TTC6: variants seen among roughly 807,000 people sequenced by gnomAD.
The protein encoded by TTC6 is tetratricopeptide repeat protein 6.
A neutral mutation model predicts 210.4 loss-of-function variants in TTC6; 172 were observed. The observed-to-expected ratio is 0.82, with a 90% CI of 0.72 to 0.93. TTC6 has a LOEUF of 0.93. TTC6 is among the 40% of genes least tolerant of loss of function. The pLI, the probability that TTC6 is intolerant of heterozygous loss-of-function variation, is 0.00. For missense variants in TTC6, 2,414 were observed against 2,318.1 expected (o/e 1.04, Z -0.85); for synonymous variants, 804 against 819.6 (o/e 0.98, Z 0.32).
Position 37,723,982 on chromosome 14 carries a change from G to C in TTC6, c.1714-916G>C, listed in dbSNP as rs527448851. ...TTTTAAAAATGTATAATGTCATGTA[G>C]CCACAATTCCAGATCATACAGAAGA... On this transcript the variant is annotated intron_variant, in intron 6 of 30. Transcript: ENST00000553443. Among the ~76,000 whole-genome samples the C allele has an allele frequency of 5.4e-4, 82 of 151,958 alleles. 1 individual carries two copies. The highest frequency in any genetic ancestry group is 5.2e-3 in the South Asian group (25 of 4,810).
intron 6 of TTC6, among the ~76,000 whole-genome samples, chr14:37,716,437 C>T (rs2095852889): frequency 1.3e-5 from 2 of 151,752 alleles, no homozygotes; most frequent in East Asian, 1.9e-4. Flanking sequence ...ATAATATTTA[C>T]AAGAAACAAA....
chr14:37,729,266 A>G (rs12890128), intron 7 of TTC6, among the ~76,000 whole-genome samples: 84,438 of 152,090 alleles, frequency 0.56, 24,078 homozygotes, highest in African/African-American at 0.68. Context: ...TGAGCTAGAA[A>G]GAGAAAGTTA....
intron 5 of TTC6, among the ~76,000 whole-genome samples, chr14:37,712,177 C>G (rs2095845698): frequency 1.3e-5 from 2 of 152,148 alleles, no homozygotes; most frequent in South Asian, 4.1e-4. Flanking sequence ...CCAACCAATC[C>G]ATATTTCTGT....
At chr14:37,775,749 T>C (rs914421374) in intron 14 of TTC6, among the ~76,000 whole-genome samples, 4 of 152,302 alleles carry the variant, frequency 2.6e-5, no homozygotes, top group African/African-American at 9.6e-5. Flanking sequence ...CTTGTGGTTA[T>C]CTAAGTCTCT....
chr14:37,725,072 C>A, intron 7 of TTC6, 70 bp downstream of exon 9: 4 of 881,388 alleles, frequency 4.5e-6, no homozygotes, highest in South Asian at 2.4e-5. Flanking sequence ...GTATAATTGG[C>A]TATGACATTC....
chr14:37,791,881 A>G (rs1321241663), intron 16 of TTC6, among the ~76,000 whole-genome samples: 2 of 152,144 alleles, frequency 1.3e-5, no homozygotes, highest in Non-Finnish European at 2.9e-5. Flanking sequence ...ACCCTTGAAT[A>G]TGACTGTTTC....
intron 7 of TTC6, 99 bp from the exon 10 acceptor site, chr14:37,735,822 T>C (rs1570399): frequency 0.67 from 424,933 of 632,566 alleles, 145,722 homozygotes; most frequent in East Asian, 0.9. Flanking sequence ...TTCTCTTTGG[T>C]TCTTTTGTTA....
At chr14:37,842,329 T>C in exon 31 of TTC6, 1 of 1,469,648 alleles carries the variant, frequency 6.8e-7, no homozygotes, top group South Asian at 1.5e-5. Flanking sequence ...TTTACACAGC[T>C]GTTCTCTCTG....
chr14:37,700,560 T>C (rs370596879), intron 4 of TTC6, among the ~76,000 whole-genome samples: 4 of 151,788 alleles, frequency 2.6e-5, no homozygotes, highest in African/African-American at 7.2e-5. Context: ...CTTGCCAACA[T>C]TGGGAAACCC....
chr14:37,754,720 A>G (rs1349949556), intron 14 of TTC6, among the ~76,000 whole-genome samples: 1 of 152,114 alleles, frequency 6.6e-6, no homozygotes, highest in East Asian at 1.9e-4. Context: ...GGCATGAGCC[A>G]CCATGCCCGG....
At chr14:37,816,134 A>G (rs1008656395) in intron 25 of TTC6, among the ~76,000 whole-genome samples, 1 of 151,880 alleles carries the variant, frequency 6.6e-6, no homozygotes, top group African/African-American at 2.4e-5. Flanking sequence ...AATTAAAAAA[A>G]TTTTCTTCCA....
intron 14 of TTC6, among the ~76,000 whole-genome samples, chr14:37,778,228 A>G (rs1196174482): frequency 6.6e-6 from 1 of 152,068 alleles, no homozygotes; most frequent in Non-Finnish European, 1.5e-5. Flanking sequence ...GGTGACAGGG[A>G]CACTGGTGTC....
chr14:37,781,159 G>A (rs989743605), intron 14 of TTC6, among the ~76,000 whole-genome samples: 6 of 152,200 alleles, frequency 3.9e-5, no homozygotes, highest in Non-Finnish European at 8.8e-5. Context: ...TGGGATTGCT[G>A]GAGCAAATGG....
At chr14:37,766,895 C>T (rs985447534) in intron 14 of TTC6, among the ~76,000 whole-genome samples, 1 of 152,146 alleles carries the variant, frequency 6.6e-6, no homozygotes, top group Non-Finnish European at 1.5e-5. Flanking sequence ...TGGTGCACTG[C>T]ACCCACTAAC....
chr14:37,744,734 C>G (rs1291040960), intron 10 of TTC6, among the ~76,000 whole-genome samples: 1 of 152,020 alleles, frequency 6.6e-6, no homozygotes, highest in African/African-American at 2.4e-5. Flanking sequence ...ACTTTGGATT[C>G]TTAATAGAAA....
chr14:37,751,096 CAT>C lies in TTC6; in HGVS notation c.3002_3003del (p.Ile1001AsnfsTer12). On this transcript the variant is annotated frameshift_variant, in exon 13 of 31. Coordinates refer to ENST00000553443, the Ensembl canonical transcript of TTC6. LOFTEE classifies it high-confidence loss of function. ...CAGAAATTTACAGGGGAAAAAAAGA[CAT>C]AACTTTGGCAATTCTAAACTATACC... The C allele has an allele frequency of 6.6e-7, 1 of 1,524,842 alleles. No individual in the cohort carries two copies. Among genetic ancestry groups the C allele is most frequent in the Non-Finnish European group, 8.8e-7 (1 of 1,140,644 alleles). 94.5% of individuals were successfully genotyped at this position (1,524,842 alleles called of 1,614,324 possible). A position where few individuals can be genotyped will look rare whatever the true frequency, so the allele number is the denominator to read the frequency against.
intron 5 of TTC6, among the ~76,000 whole-genome samples, chr14:37,709,691 G>A (rs1408147012): frequency 1.3e-4 from 4 of 30,942 alleles, no homozygotes; most frequent in Non-Finnish European, 1.7e-4. Flanking sequence ...ATCATGTTTT[G>A]TAAAAAAAAA....
intron 10 of TTC6, among the ~76,000 whole-genome samples, chr14:37,743,116 A>G (rs2095925740): frequency 1.3e-5 from 2 of 152,242 alleles, no homozygotes; most frequent in Non-Finnish European, 2.9e-5. Flanking sequence ...ACTTTCTCAG[A>G]CTGGAGTGAT....
intron 17 of TTC6, among the ~76,000 whole-genome samples, chr14:37,794,732 T>C (rs1350716025): frequency 6.6e-6 from 1 of 152,152 alleles, no homozygotes; most frequent in African/African-American, 2.4e-5. Context: ...TGCATGCTAC[T>C]TTATTTCTTA....
Sources: gnomAD v4.1 joint callset for allele counts (sites outside exome capture counted in the v4.1 genomes callset) on GRCh38, gnomAD v4.1.1 for gene constraint, MANE v1.5 for transcripts, NCBI Gene and HGNC (gene_info 2026-07-23, HGNC 2026-07-21) for gene names.